The following MACROD1 variants were observed in gnomAD, a reference collection of about 807,000 sequenced individuals.
MACROD1 encodes the protein mono-ADP ribosylhydrolase 1.
A neutral mutation model predicts 41.4 loss-of-function variants in MACROD1; 31 were observed. The observed-to-expected ratio is 0.75, with a 90% CI of 0.56 to 1.01. The LOEUF (loss-of-function observed/expected upper bound fraction) is 1.01. Ranked by LOEUF, MACROD1 falls within the 50% of genes least tolerant of loss-of-function variation. The pLI is 0.00. For synonymous variants in MACROD1, 252 were observed against 203.4 expected, an observed-to-expected ratio of 1.24 and a Z score of -2.03; for missense variants, 473 against 460.0, an observed-to-expected ratio of 1.03 and a Z score of -0.26.
chr11:64,136,716 G>A (rs906200416), intron 3 of MACROD1, among the ~76,000 whole-genome samples: 14 of 152,350 alleles, frequency 9.2e-5, no homozygotes, highest in South Asian at 6.2e-4. Context: ...CCCCAGGCCC[G>A]GAAGTCACTC....
intron 3 of MACROD1, among the ~76,000 whole-genome samples, chr11:64,143,742 C>T (rs946803562): frequency 5.9e-5 from 5 of 84,950 alleles, no homozygotes; most frequent in Non-Finnish European, 1.0e-4. Flanking sequence ...CCCCCAACCC[C>T]GACACACACA....
At chr11:64,075,328 G>A (rs1228231165) in intron 3 of MACROD1, among the ~76,000 whole-genome samples, 1 of 152,252 alleles carries the variant, frequency 6.6e-6, no homozygotes, top group East Asian at 1.9e-4. Context: ...TGTTTAGACA[G>A]AAGTCATCTT....
chr11:64,034,313 G>A (rs901005757), intron 3 of MACROD1, among the ~76,000 whole-genome samples: 2 of 152,230 alleles, frequency 1.3e-5, no homozygotes, highest in African/African-American at 4.8e-5. Context: ...GCAGAGGAAC[G>A]GAAGCTGTTG....
chr11:64,021,570 C>T (rs1943152853), intron 3 of MACROD1, among the ~76,000 whole-genome samples: 1 of 152,128 alleles, frequency 6.6e-6, no homozygotes, highest in Admixed American at 6.5e-5. Context: ...CTGCATGTCC[C>T]TGGAGGCCGC....
intron 3 of MACROD1, among the ~76,000 whole-genome samples, chr11:64,020,353 G>A (rs1432199370): frequency 6.6e-6 from 1 of 152,128 alleles, no homozygotes; most frequent in Non-Finnish European, 1.5e-5. Context: ...CATTTGGAGA[G>A]GAGGTAAAAT....
intron 3 of MACROD1, among the ~76,000 whole-genome samples, chr11:64,053,301 C>T (rs1263558238): frequency 6.6e-6 from 1 of 152,180 alleles, no homozygotes; most frequent in African/African-American, 2.4e-5. Context: ...TTTGAGGTTA[C>T]CCTTTTAATT....
At chr11:64,108,433 G>A (rs1043080461) in intron 3 of MACROD1, among the ~76,000 whole-genome samples, 7 of 152,220 alleles carry the variant, frequency 4.6e-5, no homozygotes, top group African/African-American at 1.7e-4. Context: ...CTGGCGAGAA[G>A]GAGGGGAGCT....
chr11:64,116,216 C>A, intron 3 of MACROD1: 1 of 1,557,146 alleles, frequency 6.4e-7, no homozygotes, highest in Non-Finnish European at 8.6e-7. Flanking sequence ...GTGCTCCTTG[C>A]AGGTATTCAG....
At position 64,089,188 on chromosome 11, in the gene MACROD1, G is replaced by A. The variant is rs187057872; in HGVS notation, c.517+62051C>T. Reference sequence around the variant, plus strand: ...AGGGCGGGTCGGGGAGTGATCTGACGGGACAAGTGCTCTGCTGAGGGGCTG... The same window carrying A: ...AGGGCGGGTCGGGGAGTGATCTGACAGGACAAGTGCTCTGCTGAGGGGCTG... On this transcript the variant is annotated intron_variant, in intron 3 of 10. Coordinates refer to ENST00000255681, the MANE Select transcript of MACROD1 (RefSeq NM_014067.4). 2.0e-4 allele frequency among the ~76,000 whole-genome samples: 30 copies of A among 152,318 alleles called. 1 individual carries two copies. Among genetic ancestry groups the A allele is most frequent in the Admixed American group, 6.5e-5 (1 of 15,298 alleles).
chr11:64,159,633 A>G (rs1468265507), intron 1 of MACROD1, among the ~76,000 whole-genome samples: 1 of 152,016 alleles, frequency 6.6e-6, no homozygotes, highest in Admixed American at 6.6e-5. Flanking sequence ...CGTCTCTACT[A>G]AAAATACAAA....
chr11:64,023,127 G>C (rs956714135), intron 3 of MACROD1, among the ~76,000 whole-genome samples: 1 of 152,044 alleles, frequency 6.6e-6, no homozygotes, highest in Non-Finnish European at 1.5e-5. Context: ...CTCCCAAAGT[G>C]CTGGGATTAC....
At chr11:64,111,556 G>A (rs1024306569) in intron 3 of MACROD1, among the ~76,000 whole-genome samples, 1 of 152,194 alleles carries the variant, frequency 6.6e-6, no homozygotes, top group Admixed American at 6.5e-5. Context: ...TGTGACCTTG[G>A]CTGGGCCCCT....
chr11:64,034,559 C>CG (rs1046825978), intron 3 of MACROD1, among the ~76,000 whole-genome samples: 23 of 152,096 alleles, frequency 1.5e-4, no homozygotes, highest in Non-Finnish European at 2.1e-4. Context: ...CCAGAGGCGG[C>CG]GGCCTCAGGC....
intron 3 of MACROD1, among the ~76,000 whole-genome samples, chr11:64,037,646 G>GGT (rs140636012): frequency 2.4e-4 from 37 of 151,864 alleles, no homozygotes; most frequent in African/African-American, 7.2e-4. Flanking sequence ...ATGGGCACAG[G>GGT]GTGTGTGTGT....
At chr11:64,143,698 C>CA (rs1368269852) in intron 3 of MACROD1, among the ~76,000 whole-genome samples, 4 of 146,384 alleles carry the variant, frequency 2.7e-5, no homozygotes, top group East Asian at 4.1e-4. Flanking sequence ...ATTCATCAAC[C>CA]AAAAAAAAGA....
chr11:64,047,339 C>T (rs967194355), intron 3 of MACROD1, among the ~76,000 whole-genome samples: 15 of 152,096 alleles, frequency 9.9e-5, no homozygotes, highest in Non-Finnish European at 1.5e-4. Flanking sequence ...TTTAAGAAGG[C>T]GAAACCTGAG....
intron 1 of MACROD1, among the ~76,000 whole-genome samples, chr11:64,156,703 C>T (rs1945673867): frequency 6.6e-6 from 1 of 152,134 alleles, no homozygotes; most frequent in Non-Finnish European, 1.5e-5. Context: ...CCACAAAGCC[C>T]CTTCTCTCCA....
At chr11:64,151,665 G>A (rs1336772776) in intron 2 of MACROD1, among the ~76,000 whole-genome samples, 1 of 152,192 alleles carries the variant, frequency 6.6e-6, no homozygotes, top group Non-Finnish European at 1.5e-5. Flanking sequence ...CTAGGGTTAT[G>A]GGTCACCAGG....
intron 3 of MACROD1, among the ~76,000 whole-genome samples, chr11:64,142,809 G>A (rs954779142): frequency 6.6e-6 from 1 of 152,040 alleles, no homozygotes; most frequent in Non-Finnish European, 1.5e-5. Flanking sequence ...ACGACCCAGA[G>A]GGAGCTGGTG....
Sources: gnomAD v4.1 joint callset for allele counts (sites outside exome capture counted in the v4.1 genomes callset) on GRCh38, gnomAD v4.1.1 for gene constraint, MANE v1.5 for transcripts, NCBI Gene and HGNC (gene_info 2026-07-23, HGNC 2026-07-21) for gene names.